Variants in CACNA1E observed in about 807,000 individuals in gnomAD.
The protein encoded by CACNA1E is calcium voltage-gated channel subunit alpha1 E.
Under a neutral mutation model 259.2 loss-of-function variants are expected in CACNA1E, and 40 were observed. That is an observed-to-expected ratio of 0.15 (90% confidence interval 0.12 to 0.20). The LOEUF (loss-of-function observed/expected upper bound fraction) is 0.20, where lower values mean the gene tolerates loss of function less well. CACNA1E is among the 10% of genes least tolerant of loss of function. The pLI is 1.00. For synonymous variants in CACNA1E, 1,104 were observed against 1,138.5 expected (o/e 0.97, Z 0.61); for missense variants, 1,874 against 3,040.1 (o/e 0.62, Z 9.02).
chr1:181,493,556 T>C (rs1255546429), intron 1 of CACNA1E, among the ~76,000 whole-genome samples: 1 of 152,226 alleles, frequency 6.6e-6, no homozygotes, highest in African/African-American at 2.4e-5. Context: ...GTTTTCTGTT[T>C]TGTAAAACAA....
chr1:181,452,375 A>C (rs1319692295), intron 2 of CACNA1E, among the ~76,000 whole-genome samples: 1 of 152,218 alleles, frequency 6.6e-6, no homozygotes, highest in African/African-American at 2.4e-5. Flanking sequence ...TTAGAAGTTA[A>C]TTAATAAGTT....
intron 6 of CACNA1E, among the ~76,000 whole-genome samples, chr1:181,638,629 G>A (rs546183598): frequency 5.3e-5 from 8 of 152,160 alleles, no homozygotes; most frequent in East Asian, 1.9e-4. Flanking sequence ...CTGTGTCCCC[G>A]CCCAAAATCT....
rs7524183 is a variant in CACNA1E at position 181,606,542 on chromosome 1, T to C, written c.951+25766T>C. On this transcript the variant is annotated intron_variant, in intron 6 of 47. Transcript: ENST00000367573. ...ACTGCAGCAGCCTCTTGACTGTCTTTCCAGCTTTCTTCCTTATTTCTCTTC... is the reference window on the plus strand; with the variant it reads ...ACTGCAGCAGCCTCTTGACTGTCTTCCCAGCTTTCTTCCTTATTTCTCTTC... Among the ~76,000 whole-genome samples, 853 of 152,352 alleles carry C rather than the reference T, an allele frequency of 5.6e-3. 10 individuals carry two copies. Among genetic ancestry groups the C allele is most frequent in the African/African-American group, 0.019 (806 of 41,574 alleles).
At chr1:181,779,323 C>A in intron 38 of CACNA1E, 2 of 264,342 alleles carry the variant, frequency 7.6e-6, no homozygotes, top group Non-Finnish European at 1.6e-5. Flanking sequence ...TCTGGCTTTG[C>A]CAGGCCCAAG....
At chr1:181,782,660 C>T (rs533635973) in intron 39 of CACNA1E, among the ~76,000 whole-genome samples, 24 of 152,282 alleles carry the variant, frequency 1.6e-4, no homozygotes, top group African/African-American at 3.4e-4. Flanking sequence ...TGCCAGAGGA[C>T]GTTCTCCTGC....
chr1:181,478,643 G>C (rs936598284), upstream of CACNA1E, among the ~76,000 whole-genome samples: 63 of 152,232 alleles, frequency 4.1e-4, 1 homozygote, highest in Admixed American at 3.8e-3. Context: ...AACTGGCAGG[G>C]TGGGGGAAGA....
chr1:181,355,586 TCAAACAAAA>T (rs1653362579), intron 1 of CACNA1E, among the ~76,000 whole-genome samples: 2 of 129,360 alleles, frequency 1.5e-5, no homozygotes, highest in African/African-American at 3.0e-5. Flanking sequence ...AGACTCCATC[TCAAACAAAA>T]CAAAACAAAA....
At chr1:181,730,073 G>A (rs942684770) in intron 18 of CACNA1E, among the ~76,000 whole-genome samples, 1 of 152,222 alleles carries the variant, frequency 6.6e-6, no homozygotes, top group Non-Finnish European at 1.5e-5. Flanking sequence ...CATGTGCACT[G>A]TGCATCTTCC....
intron 3 of CACNA1E, among the ~76,000 whole-genome samples, chr1:181,553,985 G>A (rs982036866): frequency 2.0e-5 from 3 of 152,038 alleles, no homozygotes; most frequent in African/African-American, 7.2e-5. Context: ...GGTCACACAG[G>A]CTCTAAATAG....
At chr1:181,429,934 G>A (rs1418511267) in intron 2 of CACNA1E, among the ~76,000 whole-genome samples, 1 of 152,202 alleles carries the variant, frequency 6.6e-6, no homozygotes, top group Admixed American at 6.5e-5. Flanking sequence ...ATGGCAACTG[G>A]GCGGGCAGGT....
At chr1:181,742,364 G>C (rs2102609852) in intron 25 of CACNA1E, among the ~76,000 whole-genome samples, 1 of 152,288 alleles carries the variant, frequency 6.6e-6, no homozygotes, top group East Asian at 1.9e-4. Flanking sequence ...GTTGTCTGCA[G>C]GCTTGTCAAG....
At chr1:181,385,239 T>G (rs530652358) in intron 1 of CACNA1E, among the ~76,000 whole-genome samples, 1 of 152,354 alleles carries the variant, frequency 6.6e-6, no homozygotes, top group East Asian at 1.9e-4. Context: ...GTTTGTAAAT[T>G]GCCTTGAGTT....
chr1:181,423,807 G>A (rs1379297320), intron 2 of CACNA1E, among the ~76,000 whole-genome samples: 2 of 152,162 alleles, frequency 1.3e-5, no homozygotes, highest in Non-Finnish European at 2.9e-5. Context: ...GGAATCTGTG[G>A]AACCACTATT....
chr1:181,366,978 A>G (rs1284349642), intron 1 of CACNA1E, among the ~76,000 whole-genome samples: 1 of 152,082 alleles, frequency 6.6e-6, no homozygotes, highest in African/African-American at 2.4e-5. Context: ...TCCTCTTTCC[A>G]TTTTGTGATT....
intron 1 of CACNA1E, among the ~76,000 whole-genome samples, chr1:181,359,869 C>A (rs1294692526): frequency 3.3e-5 from 5 of 152,180 alleles, no homozygotes; most frequent in Non-Finnish European, 1.5e-5. Context: ...TTTGGGATCA[C>A]CTCCTTTCCT....
At chr1:181,648,379 T>C (rs1437216602) in intron 6 of CACNA1E, among the ~76,000 whole-genome samples, 1 of 152,224 alleles carries the variant, frequency 6.6e-6, no homozygotes, top group African/African-American at 2.4e-5. Context: ...TGGTTTTTTA[T>C]AGAATTGAGA....
intron 3 of CACNA1E, among the ~76,000 whole-genome samples, chr1:181,514,350 A>G (rs149303007): frequency 6.6e-6 from 1 of 152,374 alleles, no homozygotes; most frequent in East Asian, 1.9e-4. Flanking sequence ...GATACCAACC[A>G]GGGAGGCAGG....
At chr1:181,619,213 T>C (rs1312444569) in intron 6 of CACNA1E, among the ~76,000 whole-genome samples, 1 of 151,942 alleles carries the variant, frequency 6.6e-6, no homozygotes, top group Non-Finnish European at 1.5e-5. Flanking sequence ...GAGGGCCTGA[T>C]GGTGTACTTT....
Position 181,717,100 on chromosome 1 carries a change from T to C in CACNA1E, c.1323T>C (p.Pro441=), listed in dbSNP as rs750400549. 2.5e-6 allele frequency: 4 copies of C among 1,613,868 alleles called. No homozygotes were observed. The Admixed American group carries it at 6.7e-5, about 27-fold the overall frequency. ...CTTACTTCTCCCTCTTAGGCACACCTCTGGCCCGAGCCAGTATCAAAAGTG... is the reference window on the plus strand; with the variant it reads ...CTTACTTCTCCCTCTTAGGCACACCCCTGGCCCGAGCCAGTATCAAAAGTG... ...HCVDISSVGT[P]LARASIKSAK... Residue 441 remains proline (P), a synonymous_variant, in exon 11 of 48, where the codon CCT becomes CCC. Coordinates refer to ENST00000367573, the MANE Select transcript of CACNA1E (RefSeq NM_001205293.3).
Sources: gnomAD v4.1 joint callset for allele counts (sites outside exome capture counted in the v4.1 genomes callset) on GRCh38, gnomAD v4.1.1 for gene constraint, MANE v1.5 for transcripts, NCBI Gene and HGNC (gene_info 2026-07-23, HGNC 2026-07-21) for gene names.